The following AGO3 variants were observed in gnomAD, a reference collection of about 807,000 sequenced individuals.
The protein encoded by AGO3 is argonaute RISC catalytic component 3.
In AGO3, 16 loss-of-function variants were observed where a neutral mutation model predicts 105.5. The ratio of observed to expected loss-of-function variants is 0.15; its 90% confidence interval spans 0.10 to 0.23. The LOEUF is 0.23. Ranked by LOEUF, AGO3 falls within the 10% of genes least tolerant of loss-of-function variation. The pLI, the probability that AGO3 is intolerant of heterozygous loss-of-function variation, is 1.00. For missense variants in AGO3, 534 were observed against 1,088.0 expected, an observed-to-expected ratio of 0.49 and a Z score of 7.16; for synonymous variants, 340 against 367.3, an observed-to-expected ratio of 0.93 and a Z score of 0.85.
rs1217713105 is a variant in AGO3 at position 36,067,921 on chromosome 1, G to A, written c.*12176G>A. The A allele has an allele frequency of 1.3e-5, 2 of 152,110 alleles. No individual in the cohort carries two copies. The highest frequency in any genetic ancestry group is 4.8e-5 in the African/African-American group (2 of 41,426). The allele number at this position is 152,110 out of a possible 1,614,324, so 9.4% of individuals were successfully genotyped here. Reference sequence around the variant, plus strand: ...TGACACTCTCAAAATACTTGGGAAAGAAGAATCACATGCCACAAGCTATAG... The same window carrying A: ...TGACACTCTCAAAATACTTGGGAAAAAAGAATCACATGCCACAAGCTATAG... On this transcript the variant is annotated 3_prime_UTR_variant, in exon 19 of 19. Coordinates refer to ENST00000373191, the MANE Select transcript of AGO3 (RefSeq NM_024852.4).
At position 36,020,471 on chromosome 1, in the gene AGO3, C is replaced by T. The variant is rs185779507; in HGVS notation, c.1406+6423C>T. Among the ~76,000 whole-genome samples the T allele has an allele frequency of 4.6e-5, 7 of 152,212 alleles. No individual in the cohort carries two copies. The East Asian group carries it at 1.2e-3, about 25-fold the overall frequency. ...TCTGGTAATTCTTACTCAGTCCAAACGATATGATCCTAAAGTTACCAGAAA... is the reference window on the plus strand; with the variant it reads ...TCTGGTAATTCTTACTCAGTCCAAATGATATGATCCTAAAGTTACCAGAAA... On this transcript the variant is annotated intron_variant, in intron 11 of 18. Coordinates refer to ENST00000373191, the MANE Select transcript of AGO3 (RefSeq NM_024852.4).
chr1:35,966,897 A>G (rs1646784516), intron 2 of AGO3, 58 bp from the exon 3 acceptor site: 1 of 1,523,112 alleles, frequency 6.6e-7, no homozygotes, highest in Non-Finnish European at 8.8e-7. Flanking sequence ...ACTTCTGTTA[A>G]TATTTTTATA....
intron 2 of AGO3, among the ~76,000 whole-genome samples, chr1:35,947,149 A>G (rs1306395100): frequency 1.3e-5 from 2 of 152,160 alleles, no homozygotes; most frequent in Non-Finnish European, 2.9e-5. Flanking sequence ...TAGCAGTAAC[A>G]AAAGCATAAC....
intron 5 of AGO3, among the ~76,000 whole-genome samples, chr1:35,998,525 C>G (rs1211302412): frequency 2.0e-5 from 3 of 152,130 alleles, no homozygotes; most frequent in Non-Finnish European, 4.4e-5. Context: ...TTCCTACAGT[C>G]TGAGAGCTTT....
chr1:35,984,645 C>T (rs1647128342), intron 5 of AGO3: 1 of 152,284 alleles, frequency 6.6e-6, no homozygotes, highest in African/African-American at 2.4e-5. Flanking sequence ...TTCTGTCTCT[C>T]CTGTTAGAAC....
At chr1:35,995,681 G>T (rs558857635) in intron 5 of AGO3, among the ~76,000 whole-genome samples, 9 of 152,170 alleles carry the variant, frequency 5.9e-5, no homozygotes, top group Non-Finnish European at 8.8e-5. Flanking sequence ...ACGAGGCAAA[G>T]ATTTTTTTCT....
intron 3 of AGO3, among the ~76,000 whole-genome samples, chr1:35,971,713 T>C (rs1339737199): frequency 6.6e-6 from 1 of 152,200 alleles, no homozygotes; most frequent in East Asian, 1.9e-4. Context: ...TTTTGTACTT[T>C]GCTTTTGTCA....
intron 1 of AGO3, among the ~76,000 whole-genome samples, chr1:35,942,568 T>G (rs1646275010): frequency 6.6e-6 from 1 of 152,198 alleles, no homozygotes. Context: ...GGATTTAATT[T>G]ATTTGGAGGA....
chr1:35,954,352 A>G (rs983825280), intron 2 of AGO3, among the ~76,000 whole-genome samples: 4 of 152,190 alleles, frequency 2.6e-5, no homozygotes, highest in Non-Finnish European at 4.4e-5. Context: ...AAATTAACAA[A>G]TATTTACACA....
At position 36,061,278 on chromosome 1, in the gene AGO3, A is replaced by G. The variant is rs1328547645; in HGVS notation, c.*5533A>G. ...ATTTTGACTTTTTTCCTACTTTTAA[A>G]ATGGTACATTTAAGTTTATAATTTT... On this transcript the variant is annotated 3_prime_UTR_variant, in exon 19 of 19. Coordinates refer to ENST00000373191, the MANE Select transcript of AGO3 (RefSeq NM_024852.4). 6.6e-6 allele frequency: 1 copy of G among 152,158 alleles called. No homozygotes were observed. The highest frequency in any genetic ancestry group is 6.6e-5 in the Admixed American group (1 of 15,260). 9.4% of individuals were successfully genotyped at this position (152,158 alleles called of 1,614,324 possible).
At chr1:35,971,591 C>G (rs1427403740) in intron 3 of AGO3, among the ~76,000 whole-genome samples, 4 of 151,734 alleles carry the variant, frequency 2.6e-5, no homozygotes, top group Non-Finnish European at 4.4e-5. Flanking sequence ...TTGAAAGTAA[C>G]TAGTTTCTTT....
intron 5 of AGO3, among the ~76,000 whole-genome samples, chr1:35,991,535 T>TA (rs556809379): frequency 2.7e-5 from 4 of 145,758 alleles, no homozygotes; most frequent in African/African-American, 7.5e-5. Context: ...GGAGCAAATT[T>TA]TATATATATA....
chr1:35,994,464 C>G (rs1273361421), intron 5 of AGO3, among the ~76,000 whole-genome samples: 1 of 152,100 alleles, frequency 6.6e-6, no homozygotes, highest in Non-Finnish European at 1.5e-5. Flanking sequence ...TACACTTTTG[C>G]CCTAAATTCA....
At chr1:35,949,239 G>C (rs969731839) in intron 2 of AGO3, among the ~76,000 whole-genome samples, 1 of 152,052 alleles carries the variant, frequency 6.6e-6, no homozygotes, top group Non-Finnish European at 1.5e-5. Flanking sequence ...TACCGCACCC[G>C]GCCCAAGTTT....
In AGO3 at chr1:36,055,896, A is replaced by G. The variant is rs954649854; in HGVS notation, c.*151A>G. ...CAAGGTCTGATCCTTATGTTAATACAAGGAAGATTGTTTACTTCATCAAGG... is the reference window on the plus strand; with the variant it reads ...CAAGGTCTGATCCTTATGTTAATACGAGGAAGATTGTTTACTTCATCAAGG... On this transcript the variant is annotated 3_prime_UTR_variant, in exon 19 of 19. Transcript: ENST00000373191. This position sits in a 1 kb window ranked among gnomAD's most constrained non-coding sequence, Gnocchi z 4.4. 52 of 639,112 alleles carry G rather than the reference A, an allele frequency of 8.1e-5. 1 individual carries two copies. The highest frequency in any genetic ancestry group is 7.1e-4 in the Middle Eastern group (2 of 2,822). 39.6% of individuals were successfully genotyped at this position (639,112 alleles called of 1,614,324 possible).
chr1:35,950,748 G>C (rs1646456706), intron 2 of AGO3, among the ~76,000 whole-genome samples: 1 of 152,084 alleles, frequency 6.6e-6, no homozygotes, highest in South Asian at 2.1e-4. Context: ...TATACATTCT[G>C]TAACTTGAGA....
At chr1:36,021,191 C>T (rs1211405595) in intron 11 of AGO3, among the ~76,000 whole-genome samples, 1 of 152,116 alleles carries the variant, frequency 6.6e-6, no homozygotes, top group African/African-American at 2.4e-5. Context: ...CTCAGCCTCC[C>T]AAAATGCTAG....
chr1:36,056,572 A>G lies in AGO3; in HGVS notation c.*827A>G, dbSNP rs1642923017. On this transcript the variant is annotated 3_prime_UTR_variant, in exon 19 of 19. Coordinates refer to ENST00000373191, the MANE Select transcript of AGO3 (RefSeq NM_024852.4). ...TTAAGAAACAAAATTTTATATATATATGTATACATACATACACAGACACAG... is the reference window on the plus strand; with the variant it reads ...TTAAGAAACAAAATTTTATATATATGTGTATACATACATACACAGACACAG... 1 of 152,238 alleles carries G rather than the reference A, an allele frequency of 6.6e-6. No individual in the cohort carries two copies. The highest frequency in any genetic ancestry group is 6.5e-5 in the Admixed American group (1 of 15,278). The allele number at this position is 152,238 out of a possible 1,614,324, so 9.4% of individuals were successfully genotyped here. A position where few individuals can be genotyped will look rare whatever the true frequency, so the allele number is the denominator to read the frequency against.
chr1:35,982,890 A>C (rs1171943355), intron 5 of AGO3: 4 of 424,734 alleles, frequency 9.4e-6, no homozygotes, highest in East Asian at 7.3e-5. Flanking sequence ...TTTGCAAATA[A>C]ACTACAAGCC....
Sources: allele counts gnomAD v4.1 joint callset (sites outside exome capture counted in the v4.1 genomes callset), GRCh38; gene constraint gnomAD v4.1.1; non-coding constraint Gnocchi (gnomAD v3.1); transcripts MANE v1.5; gene names NCBI Gene and HGNC (gene_info 2026-07-23, HGNC 2026-07-21).